Variants in TBC1D32 observed in about 807,000 individuals in gnomAD.
TBC1D32 encodes the protein protein broad-minded.
In TBC1D32, 151 loss-of-function variants were observed where a neutral mutation model predicts 170.3. That is an observed-to-expected ratio of 0.89 (90% CI 0.78 to 1.01). TBC1D32 has a LOEUF of 1.01. Ranked by LOEUF, TBC1D32 falls within the 50% of genes least tolerant of loss-of-function variation. The pLI is 0.00. For synonymous variants in TBC1D32, 498 were observed against 488.0 expected (o/e 1.02, Z -0.27); for missense variants, 1,464 against 1,457.1 (o/e 1.00, Z -0.08).
At chr6:121,113,600 T>C (rs1028151520) in intron 27 of TBC1D32, among the ~76,000 whole-genome samples, 2 of 152,094 alleles carry the variant, frequency 1.3e-5, no homozygotes, top group East Asian at 3.9e-4. Context: ...ATTGTCATAG[T>C]GACTAGGGGG....
intron 22 of TBC1D32, among the ~76,000 whole-genome samples, chr6:121,179,544 T>C (rs1269348156): frequency 6.6e-6 from 1 of 152,036 alleles, no homozygotes; most frequent in African/African-American, 2.4e-5. Flanking sequence ...ACAGGATCTA[T>C]ATGAAGAAAG....
chr6:121,239,102 G>T lies in TBC1D32; in HGVS notation c.2332C>A (p.Pro778Thr), dbSNP rs201419425. ...CAGCTTCGGTCAATAGGATCCACTG[G>T]AGTAGTTCTGGGATGGGTTACCCTA... ...DVRVTHPRTT[P>T]VDPIDRSCQK... Residue 778 changes from proline (P) to threonine (T), a missense_variant, in exon 20 of 32, where the codon CCA becomes ACA. By Grantham distance (38) the Pro-to-Thr change is conservative (BLOSUM62 -1). Around this residue, in one of 3 missense-constraint regions of TBC1D32, gnomAD observed 1,363 missense variants for 1,338.1 expected, o/e 1.02. Coordinates refer to ENST00000398212, the MANE Select transcript of TBC1D32 (RefSeq NM_152730.6). 192 of 1,600,798 alleles carry T rather than the reference G, an allele frequency of 1.2e-4. 1 individual carries two copies. Among genetic ancestry groups the T allele is most frequent in the Middle Eastern group, 1.2e-3 (7 of 6,000 alleles).
chr6:121,317,567 T>G lies in TBC1D32; in HGVS notation c.423A>C (p.Lys141Asn). The G allele has an allele frequency of 2.5e-6, 4 of 1,613,190 alleles. No individual in the cohort carries two copies. Among genetic ancestry groups the G allele is most frequent in the Non-Finnish European group, 3.4e-6 (4 of 1,179,470 alleles). Reference sequence around the variant, plus strand: ...TATGGCTTTTCTCCTTTTGGATTTTTTTCTGCCTTTCTTGATTTCGTGTCT... The same window carrying G: ...TATGGCTTTTCTCCTTTTGGATTTTGTTCTGCCTTTCTTGATTTCGTGTCT... ...EDETRNQERQ[K>N]KIQKEKSHSY... The change falls in exon 3 of 32, where the codon AAA becomes AAC. Residue 141 changes from lysine to asparagine, a missense_variant. Physicochemically the swap from Lys to Asn is moderately conservative, Grantham distance 94. This residue lies in a region of TBC1D32 where 1,363 missense variants were observed against 1,338.1 expected (regional missense o/e 1.02). Transcript: ENST00000398212.
chr6:121,130,582 T>G (rs73768916), intron 25 of TBC1D32, among the ~76,000 whole-genome samples: 4,897 of 152,256 alleles, frequency 0.032, 266 homozygotes, highest in African/African-American at 0.11. Flanking sequence ...GGTAATGTTC[T>G]ACATGTTTGT....
intron 17 of TBC1D32, among the ~76,000 whole-genome samples, chr6:121,252,586 G>A (rs1221541854): frequency 6.6e-6 from 1 of 152,104 alleles, no homozygotes; most frequent in African/African-American, 2.4e-5. Context: ...GAGAGCCAGG[G>A]GAGGGAGAGC....
chr6:121,285,359 T>A (rs1803639271), intron 12 of TBC1D32, among the ~76,000 whole-genome samples: 1 of 152,166 alleles, frequency 6.6e-6, no homozygotes, highest in South Asian at 2.1e-4. Flanking sequence ...TCATACAGAA[T>A]ACATTTAATT....
chr6:121,261,924 A>G (rs6919890), intron 15 of TBC1D32, among the ~76,000 whole-genome samples: 97,603 of 136,130 alleles, frequency 0.72, 36,786 homozygotes, highest in Non-Finnish European at 0.85. Context: ...TAACCAGCTT[A>G]GAGAGGAACA....
At chr6:121,182,224 T>A (rs1001089196) in intron 22 of TBC1D32, among the ~76,000 whole-genome samples, 1 of 152,060 alleles carries the variant, frequency 6.6e-6, no homozygotes, top group Non-Finnish European at 1.5e-5. Flanking sequence ...TCTGTTTACT[T>A]GATTGAGATT....
intron 26 of TBC1D32, 162 bp from the exon 27 acceptor site, chr6:121,115,403 A>G: frequency 2.1e-6 from 1 of 466,374 alleles, no homozygotes; most frequent in Non-Finnish European, 3.6e-6. Flanking sequence ...ACATTTTCAA[A>G]GGAATTAACA....
At chr6:121,145,614 C>T (rs1441428315) in intron 24 of TBC1D32, among the ~76,000 whole-genome samples, 2 of 152,028 alleles carry the variant, frequency 1.3e-5, no homozygotes, top group Non-Finnish European at 2.9e-5. Flanking sequence ...TAAATATTAT[C>T]ATCAGAAAAA....
chr6:121,271,845 G>C (rs184421530), intron 15 of TBC1D32, among the ~76,000 whole-genome samples: 126 of 152,254 alleles, frequency 8.3e-4, no homozygotes, highest in Non-Finnish European at 1.4e-3. Context: ...CATGCCACCT[G>C]ACTTCAAACT....
intron 15 of TBC1D32, among the ~76,000 whole-genome samples, chr6:121,260,673 C>T (rs558685371): frequency 2.0e-5 from 3 of 152,298 alleles, no homozygotes; most frequent in South Asian, 4.1e-4. Flanking sequence ...CACTGGTGAG[C>T]CCACGCCACT....
rs1239727196 is a variant in TBC1D32, at chr6:121,224,182, A to C, written c.2365-830T>G. Among the ~76,000 whole-genome samples the C allele has an allele frequency of 2.0e-5, 3 of 152,044 alleles. No individual in the cohort carries two copies. The South Asian group carries it at 6.2e-4, about 32-fold the overall frequency. ...CTTCAACTGACTGCCACCTATACAT[A>C]CTTTTTTATCCTAGTAACACACTTC... On this transcript the variant is annotated intron_variant, in intron 20 of 31. Transcript: ENST00000398212.
chr6:121,301,275 GA>G, intron 9 of TBC1D32, among the ~76,000 whole-genome samples: 1 of 152,088 alleles, frequency 6.6e-6, no homozygotes, highest in Non-Finnish European at 1.5e-5. Context: ...CAATAGTATA[GA>G]CTTGGAACCA....
chr6:121,270,007 T>C (rs1313789106), intron 15 of TBC1D32, among the ~76,000 whole-genome samples: 2 of 152,092 alleles, frequency 1.3e-5, no homozygotes, highest in South Asian at 2.1e-4. Flanking sequence ...TGCTCCTGAA[T>C]GACTACTGGG....
At chr6:121,083,278 A>C (rs1305416807) in intron 31 of TBC1D32, among the ~76,000 whole-genome samples, 2 of 152,060 alleles carry the variant, frequency 1.3e-5, no homozygotes, top group Non-Finnish European at 2.9e-5. Flanking sequence ...TATTAACCGT[A>C]TAGTATTTGC....
intron 22 of TBC1D32, among the ~76,000 whole-genome samples, chr6:121,201,945 G>A (rs566007571): frequency 6.6e-6 from 1 of 150,908 alleles, no homozygotes; most frequent in Non-Finnish European, 1.5e-5. Context: ...GAGACGGTTG[G>A]GTCACTTAAT....
chr6:121,132,830 C>T (rs1187817954), intron 24 of TBC1D32, among the ~76,000 whole-genome samples: 1 of 151,488 alleles, frequency 6.6e-6, no homozygotes, highest in Admixed American at 6.6e-5. Context: ...AAAAAATCAA[C>T]GAATAATATA....
Position 121,223,367 on chromosome 6 carries a change from A to G in TBC1D32, c.2365-15T>C. 1 of 1,511,206 alleles carries G rather than the reference A, an allele frequency of 6.6e-7. No individual in the cohort carries two copies. The allele number at this position is 1,511,206 out of a possible 1,614,324, so 93.6% of individuals were successfully genotyped here. ...GCTAAAAAAGACTAGAGGGAAAGAA[A>G]ACAGTCATTTAAATGATTCACTTTT... On this transcript the variant is annotated splice_polypyrimidine_tract_variant and intron_variant, in intron 20 of 31. Coordinates refer to ENST00000398212, the MANE Select transcript of TBC1D32 (RefSeq NM_152730.6).
Sources: gnomAD v4.1 joint callset for allele counts (sites outside exome capture counted in the v4.1 genomes callset) on GRCh38, gnomAD v4.1.1 for gene constraint, gnomAD v4.1.1 regional missense constraint, MANE v1.5 for transcripts, NCBI Gene and HGNC (gene_info 2026-07-23, HGNC 2026-07-21) for gene names.